NANOS3: variants seen among roughly 807,000 people sequenced by gnomAD.
The protein encoded by NANOS3 is nanos homolog 3.
NANOS3 carries 11 observed loss-of-function variants against 13.8 expected under a neutral mutation model. The observed-to-expected ratio is 0.80, with a 90% CI of 0.50 to 1.32. The LOEUF (loss-of-function observed/expected upper bound fraction) is 1.32, where lower values mean the gene tolerates loss of function less well. NANOS3 is among the 40% of genes most tolerant of loss of function. NANOS3 has a pLI of 0.00. For missense variants in NANOS3, 221 were observed against 263.8 expected (o/e 0.84, Z 1.12); for synonymous variants, 119 against 115.4 (o/e 1.03, Z -0.20).
upstream of NANOS3, among the ~76,000 whole-genome samples, chr19:13,873,554 G>C (rs1273062309): frequency 6.6e-6 from 1 of 151,972 alleles, no homozygotes. Context: ...CTGCAGCCTC[G>C]AGCCTCGAAC....
intron 1 of NANOS3, among the ~76,000 whole-genome samples, chr19:13,868,137 C>G (rs910116493): frequency 1.2e-4 from 18 of 151,948 alleles, no homozygotes; most frequent in African/African-American, 4.3e-4. Flanking sequence ...CAGCTCACTG[C>G]AATCTCCAAC....
upstream of NANOS3, chr19:13,874,962 G>C (rs1028135018): frequency 1.9e-6 from 1 of 529,450 alleles, no homozygotes; most frequent in Non-Finnish European, 3.9e-6. Flanking sequence ...CCCACCGGGG[G>C]ATGAATGTCA....
At chr19:13,865,375 G>A (rs868766474), upstream of NANOS3, 1 of 147,302 alleles carries the variant, frequency 6.8e-6, no homozygotes, top group African/African-American at 2.5e-5. Context: ...CTCGGGCCCG[G>A]GGGGCTTTTC....
At chr19:13,871,792 C>G (rs749527049) in intron 1 of NANOS3, among the ~76,000 whole-genome samples, 7 of 152,070 alleles carry the variant, frequency 4.6e-5, no homozygotes, top group Non-Finnish European at 8.8e-5. Context: ...CGCGACCAGC[C>G]TGGGCAACAT....
At position 13,880,276 on chromosome 19, in the gene NANOS3, C is replaced by T. The variant is rs940216889; in HGVS notation, c.518-166C>T. ...CTTTGTCTCGGGCTCTGGGTCCCAG[C>T]GGGGCCGCCCGGCGGAGCCAGAGAC... On this transcript the variant is annotated intron_variant, in intron 1 of 1. Transcript: ENST00000339133. 8.5e-5 allele frequency among the ~76,000 whole-genome samples: 13 copies of T among 152,232 alleles called. No individual in the cohort carries two copies. The East Asian group carries it at 2.1e-3, about 25-fold the overall frequency.
chr19:13,863,415 G>T (rs4926317), upstream of NANOS3, among the ~76,000 whole-genome samples: 1 of 151,864 alleles, frequency 6.6e-6, no homozygotes, highest in Non-Finnish European at 1.5e-5. Flanking sequence ...ACAGTGTCTC[G>T]CTGTGTTGCC....
At chr19:13,880,357 G>A in intron 1 of NANOS3, 85 bp from the exon 2 acceptor site, 3 of 1,305,652 alleles carry the variant, frequency 2.3e-6, no homozygotes, top group Non-Finnish European at 3.3e-6. Flanking sequence ...GGTCCAGCAG[G>A]CCCGGAGGCC....
intron 1 of NANOS3, among the ~76,000 whole-genome samples, chr19:13,879,898 C>T (rs562859311): frequency 4.5e-4 from 69 of 152,150 alleles, no homozygotes; most frequent in South Asian, 2.1e-4. Context: ...TGGTGGCATG[C>T]GCCTGTAATC....
intron 1 of NANOS3, among the ~76,000 whole-genome samples, chr19:13,878,057 C>T (rs918108394): frequency 6.6e-6 from 1 of 151,120 alleles, no homozygotes; most frequent in South Asian, 2.1e-4. Context: ...TATAGGCGCG[C>T]GCCACCACAC....
upstream of NANOS3, among the ~76,000 whole-genome samples, chr19:13,872,543 T>C (rs977831072): frequency 6.6e-6 from 1 of 152,140 alleles, no homozygotes; most frequent in Non-Finnish European, 1.5e-5. Context: ...AATGGGTATA[T>C]CCTGCTCACA....
upstream of NANOS3, among the ~76,000 whole-genome samples, chr19:13,875,438 C>T (rs980147082): frequency 6.6e-6 from 1 of 152,056 alleles, no homozygotes; most frequent in South Asian, 2.1e-4. Flanking sequence ...CCTCCCCCCT[C>T]GGCCTCCCAA....
chr19:13,877,799 G>A (rs1411575483), intron 1 of NANOS3, 34 bp downstream of exon 1: 10 of 1,521,996 alleles, frequency 6.6e-6, no homozygotes, highest in Admixed American at 4.0e-5. Flanking sequence ...GGACCTGTCC[G>A]AGGGTAGTGG....
intron 1 of NANOS3, among the ~76,000 whole-genome samples, chr19:13,878,488 C>A (rs1968564424): frequency 6.6e-6 from 1 of 152,220 alleles, no homozygotes; most frequent in African/African-American, 2.4e-5. Flanking sequence ...CCACCCTCCT[C>A]AGCCTCCCAA....
intron 1 of NANOS3, among the ~76,000 whole-genome samples, chr19:13,866,359 C>T (rs1976241358): frequency 6.6e-6 from 1 of 152,030 alleles, no homozygotes; most frequent in Admixed American, 6.6e-5. Flanking sequence ...CCCCCCATCT[C>T]TTTCCCTACC....
In NANOS3 at chr19:13,870,685, A is replaced by G. The variant is rs1166116221; in HGVS notation, n.21+5248A>G. 2.7e-5 allele frequency among the ~76,000 whole-genome samples: 4 copies of G among 147,394 alleles called. No individual in the cohort carries two copies. In the East Asian group the frequency reaches 8.0e-4, roughly 30 times the overall value. On this transcript the variant is annotated intron_variant and non_coding_transcript_variant, in intron 1 of 2. Coordinates refer to the NANOS3 transcript ENST00000591161. ...CAGGTTCAAGCAATTCTCGTGCCTC[A>G]GCCTCCCAAGTAGCTGGGACTACAG...
chr19:13,878,255 T>G (rs1272550511), intron 1 of NANOS3, among the ~76,000 whole-genome samples: 2 of 150,956 alleles, frequency 1.3e-5, no homozygotes, highest in African/African-American at 4.9e-5. Context: ...TTTATTTATC[T>G]TGAGACAGAG....
intron 1 of NANOS3, among the ~76,000 whole-genome samples, chr19:13,871,504 T>C (rs1976327101): frequency 6.6e-6 from 1 of 152,146 alleles, no homozygotes; most frequent in Non-Finnish European, 1.5e-5. Flanking sequence ...ACCAGACCCC[T>C]CTTCCACTGT....
chr19:13,865,276 C>T (rs1190934184), upstream of NANOS3: 1 of 43,808 alleles, frequency 2.3e-5, no homozygotes, highest in African/African-American at 1.0e-4. Context: ...GCGCCGGAGC[C>T]CCGCGGCCCC....
rs538237599 is a variant in NANOS3 at position 13,880,430 on chromosome 19, C to T, written c.518-12C>T. On this transcript the variant is annotated splice_polypyrimidine_tract_variant and intron_variant, in intron 1 of 1. Coordinates refer to ENST00000339133, the MANE Select transcript of NANOS3 (RefSeq NM_001098622.3). ...CTGTGATTAAGCATTTCTCTCCCTC[C>T]CCCTCCACTAGGTTTCAGAGGTGCC... The T allele has an allele frequency of 9.3e-6, 15 of 1,612,810 alleles. No individual in the cohort carries two copies. The South Asian group carries it at 1.4e-4, about 15-fold the overall frequency.
Sources: allele counts gnomAD v4.1 joint callset (sites outside exome capture counted in the v4.1 genomes callset), GRCh38; gene constraint gnomAD v4.1.1; transcripts MANE v1.5; gene names NCBI Gene and HGNC (gene_info 2026-07-23, HGNC 2026-07-21).